The following RFC3 variants were observed in gnomAD, a reference collection of about 807,000 sequenced individuals.
RFC3 encodes the protein replication factor C subunit 3, also known as A1 38 kDa subunit.
Under a neutral mutation model 45.1 loss-of-function variants are expected in RFC3, and 41 were observed. The ratio of observed to expected loss-of-function variants is 0.91; its 90% CI spans 0.71 to 1.18. The LOEUF (loss-of-function observed/expected upper bound fraction) is 1.18. RFC3 is among the 50% of genes most tolerant of loss of function. The pLI, the probability that RFC3 is intolerant of heterozygous loss-of-function variation, is 0.00. For synonymous variants in RFC3, 149 were observed against 144.0 expected (o/e 1.03, Z -0.25); for missense variants, 423 against 428.1 (o/e 0.99, Z 0.10).
chr13:33,972,447 G>A, the RFC3 span, among the ~76,000 whole-genome samples: 4 of 152,096 alleles, frequency 2.6e-5, no homozygotes, highest in Admixed American at 6.5e-5. Context: ...CTTTTCTCAT[G>A]TTTAGCACCT....
At chr13:33,925,056 T>C (rs113657522) in intron 8 of RFC3, among the ~76,000 whole-genome samples, 27,341 of 142,828 alleles carry the variant, frequency 0.19, 3,758 homozygotes, top group African/African-American at 0.38. Context: ...CATATATATA[T>C]ACACATATAT....
At chr13:33,872,793 C>CCG (rs386378768) in intron 8 of RFC3, among the ~76,000 whole-genome samples, 3 of 7,048 alleles carry the variant, frequency 4.3e-4, no homozygotes, top group Admixed American at 3.3e-3. Flanking sequence ...AGAAACCAAA[C>CCG]CCCCCCCCCC....
At chr13:33,850,705 C>T (rs941588243) in intron 8 of RFC3, 3 of 152,116 alleles carry the variant, frequency 2.0e-5, no homozygotes, top group Non-Finnish European at 4.4e-5. Flanking sequence ...ATACAGTTAA[C>T]TTACAGGACA....
intron 8 of RFC3, among the ~76,000 whole-genome samples, chr13:33,876,975 T>C (rs948364439): frequency 1.3e-5 from 2 of 152,224 alleles, no homozygotes; most frequent in African/African-American, 2.4e-5. Flanking sequence ...CAGACACTGA[T>C]TTCTTTTTTC....
Position 33,892,397 on chromosome 13 carries a change from G to A in RFC3, c.879+57180G>A, listed in dbSNP as rs368269746. Among the ~76,000 whole-genome samples the A allele has an allele frequency of 1.5e-3, 233 of 152,308 alleles. 1 individual carries two copies. The highest frequency in any genetic ancestry group is 5.3e-3 in the African/African-American group (219 of 41,584). On this transcript the variant is annotated intron_variant, in intron 8 of 8. Transcript: ENST00000434425. ...GGGCCTTAAGACTTAAAGAAAGGCAGCCTCAGCCTGAAAACATCTTATATC... is the reference window on the plus strand; with the variant it reads ...GGGCCTTAAGACTTAAAGAAAGGCAACCTCAGCCTGAAAACATCTTATATC...
chr13:33,967,080 C>G (rs1285270744), downstream of RFC3, among the ~76,000 whole-genome samples: 2 of 151,636 alleles, frequency 1.3e-5, no homozygotes, highest in Non-Finnish European at 1.5e-5. Flanking sequence ...TCACTAGATC[C>G]CAGGAGATAG....
At chr13:33,913,126 A>G (rs1362088990) in intron 8 of RFC3, among the ~76,000 whole-genome samples, 1 of 152,144 alleles carries the variant, frequency 6.6e-6, no homozygotes, top group Non-Finnish European at 1.5e-5. Context: ...TCTGTCCAGC[A>G]TAAAGCAGGC....
chr13:33,859,328 A>T (rs1243529367), intron 8 of RFC3, among the ~76,000 whole-genome samples: 1 of 152,234 alleles, frequency 6.6e-6, no homozygotes, highest in Non-Finnish European at 1.5e-5. Context: ...TTGGTTAATA[A>T]CAAACCAACC....
rs1185720027 is a variant in RFC3 at position 33,821,129 on chromosome 13, C to A, written c.88-3C>A. ...GGAAAAATGCCTTGTTCTTTTTTTTCAGGTGCAGTGTGGTGACTTTCCTCA... is the reference window on the plus strand; with the variant it reads ...GGAAAAATGCCTTGTTCTTTTTTTTAAGGTGCAGTGTGGTGACTTTCCTCA... On this transcript the variant is annotated splice_polypyrimidine_tract_variant and splice_region_variant and intron_variant, in intron 1 of 8. Coordinates refer to ENST00000380071, the MANE Select transcript of RFC3 (RefSeq NM_002915.4). The A allele has an allele frequency of 5.6e-6, 9 of 1,608,772 alleles. No individual in the cohort carries two copies. Among genetic ancestry groups the A allele is most frequent in the Non-Finnish European group, 7.6e-6 (9 of 1,178,020 alleles).
intron 8 of RFC3, among the ~76,000 whole-genome samples, chr13:33,961,913 G>A (rs770963481): frequency 5.9e-5 from 9 of 152,176 alleles, no homozygotes; most frequent in Non-Finnish European, 7.4e-5. Context: ...AGGCTATACC[G>A]TGAAATCTTT....
chr13:33,955,790 A>T (rs1463388287), intron 8 of RFC3, among the ~76,000 whole-genome samples: 1 of 152,194 alleles, frequency 6.6e-6, no homozygotes, highest in Non-Finnish European at 1.5e-5. Context: ...TAAACCAGTT[A>T]AAAAATTTGC....
chr13:33,878,453 A>G (rs1180245030), intron 8 of RFC3, among the ~76,000 whole-genome samples: 2 of 152,154 alleles, frequency 1.3e-5, no homozygotes, highest in Non-Finnish European at 1.5e-5. Context: ...TGGGCTGGAA[A>G]TGGTGAGGGG....
intron 8 of RFC3, among the ~76,000 whole-genome samples, chr13:33,940,557 A>G (rs1396240742): frequency 6.6e-6 from 1 of 152,194 alleles, no homozygotes; most frequent in East Asian, 1.9e-4. Context: ...TATGTTCATC[A>G]TGCTGTTGTC....
chr13:33,825,218 A>G (rs1326817151), intron 3 of RFC3, among the ~76,000 whole-genome samples: 1 of 152,168 alleles, frequency 6.6e-6, no homozygotes, highest in Non-Finnish European at 1.5e-5. Context: ...TGACAGCTCA[A>G]TACCTATAAT....
At position 33,829,920 on chromosome 13, in the gene RFC3, G is replaced by T. The variant is rs1004212713; in HGVS notation, c.476G>T (p.Cys159Phe). Residue 159 changes from cysteine (C) to phenylalanine (F), a missense_variant, in exon 5 of 9, where the codon TGC becomes TTC. Transcript: ENST00000380071. ...ACCATGGAAAAATATATGTCTACCT[G>T]CAGATTGATCTTGTGCTGCAATTCT... ...RRTMEKYMST[C>F]RLILCCNSTS... 4 of 1,614,032 alleles carry T rather than the reference G, an allele frequency of 2.5e-6. No homozygotes were observed. The highest frequency in any genetic ancestry group is 3.4e-6 in the Non-Finnish European group (4 of 1,179,894).
rs905021587 is a variant in RFC3, at chr13:33,966,435, A to T, written c.*310A>T. On this transcript the variant is annotated 3_prime_UTR_variant, in exon 9 of 9. Transcript: ENST00000434425. Reference sequence around the variant, plus strand: ...AAATTTGATGAATGGGGACCATGGAAGTTTATTTCCATCTGTATCCCTACA... The same window carrying T: ...AAATTTGATGAATGGGGACCATGGATGTTTATTTCCATCTGTATCCCTACA... 1.0e-5 allele frequency: 4 copies of T among 390,772 alleles called. No homozygotes were observed. The East Asian group carries it at 1.6e-4, about 16-fold the overall frequency. The allele number at this position is 390,772 out of a possible 1,614,324, so 24.2% of individuals were successfully genotyped here.
At chr13:33,874,247 G>T (rs1010262218) in intron 8 of RFC3, among the ~76,000 whole-genome samples, 2 of 152,204 alleles carry the variant, frequency 1.3e-5, no homozygotes, top group African/African-American at 2.4e-5. Context: ...AACTGTGACA[G>T]CAGAGGCAGC....
At chr13:33,839,109 A>G (rs2082178768), downstream of RFC3, among the ~76,000 whole-genome samples, 1 of 152,168 alleles carries the variant, frequency 6.6e-6, no homozygotes, top group Non-Finnish European at 1.5e-5. Context: ...GGAATGAGGA[A>G]TGCATTCAAG....
At chr13:33,834,717 C>T (rs1345835221) in intron 7 of RFC3, among the ~76,000 whole-genome samples, 2 of 152,040 alleles carry the variant, frequency 1.3e-5, no homozygotes, top group African/African-American at 4.8e-5. Flanking sequence ...TTTCAGGTAT[C>T]TGTCTGGAGA....
Sources: gnomAD v4.1 joint callset for allele counts (sites outside exome capture counted in the v4.1 genomes callset) on GRCh38, gnomAD v4.1.1 for gene constraint, MANE v1.5 for transcripts, NCBI Gene and HGNC (gene_info 2026-07-23, HGNC 2026-07-21) for gene names.